PCDHGB7: variants seen among roughly 807,000 people sequenced by gnomAD.
PCDHGB7 encodes the protein protocadherin gamma-B7.
In PCDHGB7, 37 loss-of-function variants were observed where a neutral mutation model predicts 61.4. That is an observed-to-expected ratio of 0.60 (90% CI 0.46 to 0.79). The LOEUF (loss-of-function observed/expected upper bound fraction) is 0.79. Ranked by LOEUF, PCDHGB7 falls within the 30% of genes least tolerant of loss-of-function variation. The pLI is 0.00. For missense variants in PCDHGB7, 1,166 were observed against 1,202.5 expected (o/e 0.97, Z 0.45); for synonymous variants, 464 against 503.5 (o/e 0.92, Z 1.05).
chr5:141,490,956 A>T lies in PCDHGB7; in HGVS notation c.2416-3851A>T. 1.2e-6 allele frequency: 2 copies of T among 1,613,828 alleles called. No homozygotes were observed. The highest frequency in any genetic ancestry group is 1.7e-6 in the Non-Finnish European group (2 of 1,179,852). ...TGCTGCACCCACGGCCAGACTGGGA[A>T]CACTCAGCCCCCCAGCGTCTCCCTC... On this transcript the variant is annotated intron_variant, in intron 1 of 3. Transcript: ENST00000398594. The surrounding 1 kb of genome is among the most constrained non-coding windows in gnomAD (Gnocchi z 5.4).
Position 141,490,121 on chromosome 5 carries a change from G to A in PCDHGB7, c.2416-4686G>A. On this transcript the variant is annotated intron_variant, in intron 1 of 3. Coordinates refer to ENST00000398594, the MANE Select transcript of PCDHGB7 (RefSeq NM_018927.4). The surrounding 1 kb of genome is among the most constrained non-coding windows in gnomAD (Gnocchi z 5.4). Reference sequence around the variant, plus strand: ...TCTGAGGCAGTGCGGAACCTCTTTGGCCTAGACCCTAGCAGTGGGGCAATC... The same window carrying A: ...TCTGAGGCAGTGCGGAACCTCTTTGACCTAGACCCTAGCAGTGGGGCAATC... 1 of 1,614,256 alleles carries A rather than the reference G, an allele frequency of 6.2e-7. No individual in the cohort carries two copies. Among genetic ancestry groups the A allele is most frequent in the Non-Finnish European group, 8.5e-7 (1 of 1,180,052 alleles).
At chr5:141,430,782 G>A (rs1220976669) in intron 1 of PCDHGB7, 2 of 1,510,858 alleles carry the variant, frequency 1.3e-6, no homozygotes, top group Non-Finnish European at 1.8e-6. Flanking sequence ...CGACTGCACC[G>A]GGACTACAAA....
intron 1 of PCDHGB7, among the ~76,000 whole-genome samples, chr5:141,483,021 G>A (rs543104114): frequency 6.6e-6 from 1 of 152,126 alleles, no homozygotes; most frequent in East Asian, 1.9e-4. Context: ...GGAGGCAGAG[G>A]TTGCAATGAG....
intron 1 of PCDHGB7, chr5:141,422,581 G>A (rs1223117895): frequency 3.7e-6 from 6 of 1,613,984 alleles, no homozygotes; most frequent in Non-Finnish European, 4.2e-6. Flanking sequence ...TAACCCTCCC[G>A]TTTTTCCTCA....
chr5:141,469,155 A>C (rs1342352040), intron 1 of PCDHGB7, among the ~76,000 whole-genome samples: 3 of 152,108 alleles, frequency 2.0e-5, no homozygotes, highest in Admixed American at 1.3e-4. Context: ...ACATGTCTGT[A>C]GTCCCAGCTA....
chr5:141,470,911 G>C (rs1208467445), intron 1 of PCDHGB7, among the ~76,000 whole-genome samples: 1 of 151,916 alleles, frequency 6.6e-6, no homozygotes, highest in African/African-American at 2.4e-5. Context: ...AGATGGGACT[G>C]TCCCTATGTT....
intron 1 of PCDHGB7, among the ~76,000 whole-genome samples, chr5:141,473,380 G>A (rs1363453338): frequency 6.6e-6 from 1 of 152,204 alleles, no homozygotes; most frequent in African/African-American, 2.4e-5. Context: ...CATGGTCCCT[G>A]CCCTCCTGGA....
In PCDHGB7 at chr5:141,502,866, C is replaced by CTTTTTTTTTTTTTTTTT. The variant is rs549047197; in HGVS notation, c.2475-2513_2475-2512insTTTTTTTTTTTTTTTTT. Among the ~76,000 whole-genome samples the CTTTTTTTTTTTTTTTTT allele has an allele frequency of 3.1e-5, 4 of 128,046 alleles. 1 individual carries two copies. 84.0% of individuals were successfully genotyped at this position (128,046 alleles called of 152,430 possible). A position where few individuals can be genotyped will look rare whatever the true frequency, so the allele number is the denominator to read the frequency against. ...GAGCTGCCTAACCCTGACTCTCTGTCTTTTTTTTTTTTTTGACAGGGAGTC... is the reference window on the plus strand; with the variant it reads ...GAGCTGCCTAACCCTGACTCTCTGTCTTTTTTTTTTTTTTTTTTTTTTTTTTTTTTTGACAGGGAGTC... On this transcript the variant is annotated intron_variant, in intron 2 of 3. Transcript: ENST00000398594.
chr5:141,428,251 T>G, intron 1 of PCDHGB7: 2 of 893,496 alleles, frequency 2.2e-6, no homozygotes, highest in Non-Finnish European at 3.6e-6. Context: ...ACTGCCAGAC[T>G]TCAGTGACAG....
At position 141,491,448 on chromosome 5, in the gene PCDHGB7, A is replaced by G; in HGVS notation, c.2416-3359A>G. ...GGCAGTGCTGCAGGCGCCAGGACTC[A>G]CCCTCCCCGGACTTCTATAAGCAGT... On this transcript the variant is annotated intron_variant, in intron 1 of 3. Coordinates refer to ENST00000398594, the MANE Select transcript of PCDHGB7 (RefSeq NM_018927.4). The surrounding 1 kb of genome is among the most constrained non-coding windows in gnomAD (Gnocchi z 6.9). The G allele has an allele frequency of 6.2e-7, 1 of 1,613,792 alleles. No homozygotes were observed. The highest frequency in any genetic ancestry group is 8.5e-7 in the Non-Finnish European group (1 of 1,179,986).
chr5:141,486,552 A>C lies in PCDHGB7; in HGVS notation c.2416-8255A>C. The C allele has an allele frequency of 6.2e-7, 1 of 1,614,136 alleles. No individual in the cohort carries two copies. The highest frequency in any genetic ancestry group is 1.1e-5 in the South Asian group (1 of 91,082). On this transcript the variant is annotated intron_variant, in intron 1 of 3. Coordinates refer to ENST00000398594, the MANE Select transcript of PCDHGB7 (RefSeq NM_018927.4). This position sits in a 1 kb window ranked among gnomAD's most constrained non-coding sequence, Gnocchi z 5.0. The stretch of plus-strand genomic sequence containing the variant: ...CCACCCTCTTTCTTTCAGAGGTCAC[A>C]TGAGGTGTTTGTTCCTGAGAACAAT...
chr5:141,487,351 T>A lies in PCDHGB7; in HGVS notation c.2416-7456T>A. 6.2e-7 allele frequency: 1 copy of A among 1,614,210 alleles called. No individual in the cohort carries two copies. The highest frequency in any genetic ancestry group is 8.5e-7 in the Non-Finnish European group (1 of 1,180,038). On this transcript the variant is annotated intron_variant, in intron 1 of 3. Transcript: ENST00000398594. The surrounding 1 kb of genome is among the most constrained non-coding windows in gnomAD (Gnocchi z 5.0). ...GGGCAGCCTGTGGAGTCACATGCTT[T>A]CCTGCTGGCACCTGTGCCTGTCTCA...
At chr5:141,421,355 G>A in intron 1 of PCDHGB7, 1 of 1,613,990 alleles carries the variant, frequency 6.2e-7, no homozygotes, top group East Asian at 2.2e-5. Flanking sequence ...ACCGAAAAGG[G>A]CTCCTTCGTG....
At position 141,512,280 on chromosome 5, in the gene PCDHGB7, TGGAAGGGTCAGC is replaced by T. The variant is rs1187119941; in HGVS notation, c.*1111_*1122del. The T allele has an allele frequency of 1.3e-5, 2 of 152,682 alleles. No individual in the cohort carries two copies. Among genetic ancestry groups the T allele is most frequent in the African/African-American group, 2.4e-5 (1 of 41,396 alleles). 9.5% of individuals were successfully genotyped at this position (152,682 alleles called of 1,614,324 possible). ...CTGGGTACTCCAGAGGTGCCACTGGTGGAAGGGTCAGCGGAGCCCCAGCAGGAAGGGTGGGCC... is the reference window on the plus strand; with the variant it reads ...CTGGGTACTCCAGAGGTGCCACTGGTGGAGCCCCAGCAGGAAGGGTGGGCC... On this transcript the variant is annotated 3_prime_UTR_variant, in exon 4 of 4. Transcript: ENST00000398594.
In PCDHGB7 at chr5:141,483,413, G is replaced by A. The variant is rs112015754; in HGVS notation, c.2416-11394G>A. 5.9e-4 allele frequency among the ~76,000 whole-genome samples: 90 copies of A among 152,300 alleles called. 1 individual carries two copies. Among genetic ancestry groups the A allele is most frequent in the African/African-American group, 1.7e-3 (69 of 41,584 alleles). ...AAATGCTTGAACCAGCACAGTGGCA[G>A]TACAGATGGAGGGAGCTGACTACAA... On this transcript the variant is annotated intron_variant, in intron 1 of 3. Transcript: ENST00000398594.
At position 141,418,683 on chromosome 5, in the gene PCDHGB7, CAG is replaced by C; in HGVS notation, c.828_829del (p.Glu276AspfsTer10). Reference sequence around the variant, plus strand: ...ACTGACCAGGACGAGGGCATCAACTCAGAGATCACTTATTCCTTCTTTGGTGT... The same window carrying C: ...ACTGACCAGGACGAGGGCATCAACTCAGATCACTTATTCCTTCTTTGGTGT... On this transcript the variant is annotated frameshift_variant, in exon 1 of 4. Coordinates refer to ENST00000398594, the MANE Select transcript of PCDHGB7 (RefSeq NM_018927.4). LOFTEE classifies it high-confidence loss of function. 1 of 1,614,048 alleles carries C rather than the reference CAG, an allele frequency of 6.2e-7. No homozygotes were observed. Among genetic ancestry groups the C allele is most frequent in the African/African-American group, 1.3e-5 (1 of 75,062 alleles).
intron 1 of PCDHGB7, chr5:141,423,648 G>A (rs1291261924): frequency 2.5e-6 from 4 of 1,590,008 alleles, no homozygotes; most frequent in Middle Eastern, 1.7e-4. Flanking sequence ...AATGTGACCC[G>A]ACAAGTAATC....
intron 1 of PCDHGB7, among the ~76,000 whole-genome samples, chr5:141,448,768 G>T (rs544426582): frequency 2.6e-5 from 4 of 151,750 alleles, no homozygotes; most frequent in Non-Finnish European, 4.4e-5. Context: ...GTGAAACCCC[G>T]TCTGTACTAA....
rs746408347 is a variant in PCDHGB7 at position 141,486,293 on chromosome 5, G to A, written c.2416-8514G>A. ...TGGCACTGTGGTGGCACTTATCAGT[G>A]TGCAGGATCCAGACTCAGGGTCAAA... On this transcript the variant is annotated intron_variant, in intron 1 of 3. Transcript: ENST00000398594. This position sits in a 1 kb window ranked among gnomAD's most constrained non-coding sequence, Gnocchi z 5.0. The A allele has an allele frequency of 3.1e-6, 5 of 1,614,018 alleles. No homozygotes were observed. In the Admixed American group the frequency reaches 8.3e-5, roughly 27 times the overall value.
Sources: gnomAD v4.1 joint callset for allele counts (sites outside exome capture counted in the v4.1 genomes callset) on GRCh38, gnomAD v4.1.1 for gene constraint, Gnocchi (gnomAD v3.1) non-coding constraint, MANE v1.5 for transcripts, NCBI Gene and HGNC (gene_info 2026-07-23, HGNC 2026-07-21) for gene names.